Variants in INVS observed in about 807,000 individuals in gnomAD.
The protein encoded by INVS is inversion of embryo turning homolog.
Under a neutral mutation model 108.8 loss-of-function variants are expected in INVS, and 86 were observed. The ratio of observed to expected loss-of-function variants is 0.79; its 90% CI spans 0.66 to 0.95. The LOEUF is 0.95. Ranked by LOEUF, INVS falls within the 40% of genes least tolerant of loss-of-function variation. INVS has a pLI of 0.00. For synonymous variants in INVS, 455 were observed against 473.5 expected, an observed-to-expected ratio of 0.96 and a Z score of 0.51; for missense variants, 1,169 against 1,297.4, an observed-to-expected ratio of 0.90 and a Z score of 1.52.
At chr9:100,202,056 CT>C in intron 3 of INVS, among the ~76,000 whole-genome samples, 1 of 150,434 alleles carries the variant, frequency 6.6e-6, no homozygotes, top group African/African-American at 2.4e-5. Context: ...TTCCATTATT[CT>C]TCTGACTGGG....
chr9:100,234,689 T>G (rs187044523), intron 5 of INVS, among the ~76,000 whole-genome samples: 25 of 152,342 alleles, frequency 1.6e-4, no homozygotes, highest in African/African-American at 5.1e-4. Context: ...GTGAGTTTCT[T>G]AATCCTGAGT....
rs1189017725 is a variant in INVS at position 100,261,384 on chromosome 9, G to A, written c.1465-3438G>A. ...GGGTTCGCGCCATTCTTCTTGCTTA[G>A]CCTTCCAAGTAGCTGGGACTACAGG... On this transcript the variant is annotated intron_variant, in intron 10 of 16. Coordinates refer to ENST00000262457, the MANE Select transcript of INVS (RefSeq NM_014425.5). 2.6e-5 allele frequency among the ~76,000 whole-genome samples: 4 copies of A among 151,042 alleles called. No individual in the cohort carries two copies. In the East Asian group the frequency reaches 7.8e-4, roughly 30 times the overall value.
intron 4 of INVS, among the ~76,000 whole-genome samples, chr9:100,228,179 C>T (rs1200124617): frequency 4.0e-5 from 6 of 151,778 alleles, no homozygotes; most frequent in Admixed American, 3.3e-4. Context: ...TTAGTAGAGA[C>T]GGGGTTTCAC....
intron 2 of INVS, among the ~76,000 whole-genome samples, chr9:100,122,652 C>T (rs554154840): frequency 7.8e-5 from 9 of 115,676 alleles, no homozygotes; most frequent in Non-Finnish European, 1.1e-4. Context: ...GGCACGATTT[C>T]GGCTTACTGC....
chr9:100,209,649 A>G (rs1178862926), intron 3 of INVS, among the ~76,000 whole-genome samples: 1 of 151,834 alleles, frequency 6.6e-6, no homozygotes, highest in African/African-American at 2.4e-5. Context: ...GGGCGCCTGT[A>G]GTCCCAGCTA....
intron 3 of INVS, among the ~76,000 whole-genome samples, chr9:100,144,492 T>A (rs1828539227): frequency 6.6e-6 from 1 of 152,130 alleles, no homozygotes; most frequent in Admixed American, 6.5e-5. Context: ...TGAACTGGGC[T>A]GGGTTTTTCA....
chr9:100,153,879 T>A (rs1828884018), intron 3 of INVS, among the ~76,000 whole-genome samples: 1 of 152,206 alleles, frequency 6.6e-6, no homozygotes, highest in Non-Finnish European at 1.5e-5. Flanking sequence ...AGAGCCCCAA[T>A]GGCCTAATCA....
chr9:100,148,020 CA>C (rs551874913), intron 3 of INVS, among the ~76,000 whole-genome samples: 842 of 79,108 alleles, frequency 0.011, 13 homozygotes, highest in Admixed American at 0.063. Context: ...CCTGTCTCTA[CA>C]AAAAAAAAAA....
At chr9:100,135,797 T>C (rs534762497) in intron 3 of INVS, among the ~76,000 whole-genome samples, 1 of 152,228 alleles carries the variant, frequency 6.6e-6, no homozygotes, top group Non-Finnish European at 1.5e-5. Flanking sequence ...CTGGAGTTAT[T>C]AGTATACATA....
At chr9:100,230,272 G>A (rs1457641735) in intron 5 of INVS, among the ~76,000 whole-genome samples, 2 of 152,024 alleles carry the variant, frequency 1.3e-5, no homozygotes, top group African/African-American at 4.8e-5. Flanking sequence ...GAAGTCCTCT[G>A]AGTGGAGTAC....
chr9:100,147,406 A>G (rs1246352914), intron 3 of INVS, among the ~76,000 whole-genome samples: 1 of 152,262 alleles, frequency 6.6e-6, no homozygotes, highest in South Asian at 2.1e-4. Flanking sequence ...ACCCTCAAGC[A>G]TATGAAAATA....
In INVS at chr9:100,117,609, GC is replaced by G. The variant is rs370853317; in HGVS notation, c.107-8766del. The G allele has an allele frequency of 3.7e-3, 912 of 245,890 alleles. 9 individuals are homozygous for G. In the East Asian group the frequency reaches 0.048, roughly 13 times the overall value. 15.2% of individuals were successfully genotyped at this position (245,890 alleles called of 1,614,324 possible). ...GGGCCACCAGGGCCTCCGGCCCCCC[GC>G]CCCCCCCGCCCACCTCCCGCTGCAC... On this transcript the variant is annotated intron_variant, in intron 2 of 16. Coordinates refer to ENST00000262457, the MANE Select transcript of INVS (RefSeq NM_014425.5).
chr9:100,268,712 A>G (rs1564184325), intron 11 of INVS, among the ~76,000 whole-genome samples: 1 of 152,086 alleles, frequency 6.6e-6, no homozygotes, highest in Non-Finnish European at 1.5e-5. Context: ...TTTTCATAAT[A>G]AAAATATATT....
chr9:100,152,846 T>G (rs1828850114), intron 3 of INVS, among the ~76,000 whole-genome samples: 1 of 152,224 alleles, frequency 6.6e-6, no homozygotes, highest in South Asian at 2.1e-4. Flanking sequence ...TTGGGTCCTT[T>G]TATTCAAGTC....
intron 12 of INVS, among the ~76,000 whole-genome samples, chr9:100,283,182 T>G (rs1381400511): frequency 6.6e-6 from 1 of 151,924 alleles, no homozygotes; most frequent in African/African-American, 2.4e-5. Context: ...CCAGGTGTGG[T>G]GGGGCATGCT....
At chr9:100,265,523 A>G (rs898795650) in intron 11 of INVS, among the ~76,000 whole-genome samples, 3 of 152,194 alleles carry the variant, frequency 2.0e-5, no homozygotes, top group African/African-American at 7.2e-5. Flanking sequence ...CTTCTGGCTA[A>G]CATAACGTCA....
chr9:100,282,947 A>G (rs1833324056), intron 12 of INVS, among the ~76,000 whole-genome samples: 1 of 152,202 alleles, frequency 6.6e-6, no homozygotes, highest in African/African-American at 2.4e-5. Context: ...TCTCTAGCCT[A>G]AGTCGGAATC....
At chr9:100,142,178 G>A (rs565310775) in intron 3 of INVS, among the ~76,000 whole-genome samples, 6 of 152,240 alleles carry the variant, frequency 3.9e-5, no homozygotes, top group Admixed American at 6.5e-5. Context: ...TATTAAAGAG[G>A]GATTAATGAT....
intron 3 of INVS, chr9:100,175,812 C>G: frequency 1.5e-6 from 1 of 669,480 alleles, no homozygotes; most frequent in South Asian, 1.4e-5. Flanking sequence ...AACACTCAGA[C>G]CTGGTGCACC....
Sources: allele counts gnomAD v4.1 joint callset (sites outside exome capture counted in the v4.1 genomes callset), GRCh38; gene constraint gnomAD v4.1.1; transcripts MANE v1.5; gene names NCBI Gene and HGNC (gene_info 2026-07-23, HGNC 2026-07-21).